The following MAP3K15 variants were observed in gnomAD, a reference collection of about 807,000 sequenced individuals.
MAP3K15 encodes the protein MAPK/ERK kinase kinase 15.
Under a neutral mutation model 99.5 loss-of-function variants are expected in MAP3K15, and 124 were observed. The ratio of observed to expected loss-of-function variants is 1.25; its 90% CI spans 1.08 to 1.45. MAP3K15 has a LOEUF of 1.45. Among genes scored for constraint, MAP3K15 ranks in the 40% most tolerant of loss-of-function variants. The pLI is 0.00. For missense variants in MAP3K15, 1,242 were observed against 1,079.7 expected (o/e 1.15, Z -2.11); for synonymous variants, 494 against 439.6 (o/e 1.12, Z -1.55).
rs191262242 is a variant in MAP3K15, at chrX:19,395,543, C to T, written c.2067-335G>A. Among the ~76,000 whole-genome samples, 288 of 109,634 alleles carry T rather than the reference C, an allele frequency of 2.6e-3. 3 individuals are homozygous for T. Among genetic ancestry groups the T allele is most frequent in the African/African-American group, 9.6e-3 (277 of 28,767 alleles). On this transcript the variant is annotated intron_variant, in intron 15 of 28. Coordinates refer to ENST00000338883, the MANE Select transcript of MAP3K15 (RefSeq NM_001001671.4). ...ACCATTCTTTACCTCTCTCAACAGCCCCTCTTCCTCTGCCTCCCATGAAGA... is the reference window on the plus strand; with the variant it reads ...ACCATTCTTTACCTCTCTCAACAGCTCCTCTTCCTCTGCCTCCCATGAAGA...
intron 4 of MAP3K15, among the ~76,000 whole-genome samples, chrX:19,461,402 T>C (rs951277812): frequency 8.0e-5 from 9 of 112,074 alleles, no homozygotes; most frequent in African/African-American, 2.3e-4. Flanking sequence ...GACCCAAGAA[T>C]AGTTTTCTAA....
intron 9 of MAP3K15, among the ~76,000 whole-genome samples, chrX:19,416,193 C>A (rs780210989): frequency 5.4e-5 from 6 of 111,034 alleles, no homozygotes; most frequent in Non-Finnish European, 1.1e-4. Context: ...TAGCAGGATG[C>A]GGTGGCAGGC....
intron 9 of MAP3K15, among the ~76,000 whole-genome samples, chrX:19,420,058 A>G (rs1310827131): frequency 1.8e-5 from 2 of 112,146 alleles, no homozygotes; most frequent in African/African-American, 6.5e-5. Flanking sequence ...AGGGAAATTT[A>G]TAGCACTAAA....
intron 20 of MAP3K15, 40 bp downstream of exon 20, chrX:19,374,437 G>T: frequency 8.6e-7 from 1 of 1,166,199 alleles, no homozygotes. Context: ...CAGCATTCTT[G>T]TGGCCAGGGT....
intron 1 of MAP3K15, among the ~76,000 whole-genome samples, chrX:19,509,190 A>T (rs1297058854): frequency 9.0e-6 from 1 of 111,648 alleles, no homozygotes; most frequent in Non-Finnish European, 1.9e-5. Flanking sequence ...GGACACAGGA[A>T]GTGCTTAAAT....
At chrX:19,413,788 T>G (rs1399238768) in intron 10 of MAP3K15, among the ~76,000 whole-genome samples, 92 of 63,271 alleles carry the variant, frequency 1.5e-3, no homozygotes, top group Admixed American at 2.5e-3. Flanking sequence ...GAGAAGAGGG[T>G]GAGGAGGAGG....
chrX:19,360,705 A>G lies in MAP3K15; in HGVS notation c.*44T>C, dbSNP rs1434339863. On this transcript the variant is annotated 3_prime_UTR_variant, in exon 29 of 29. Coordinates refer to ENST00000338883, the MANE Select transcript of MAP3K15 (RefSeq NM_001001671.4). ...ACACTAACAGAAGCTTTAACAAAACATGTAGCGTGGTGGGACACTCTGCCA... is the reference window on the plus strand; with the variant it reads ...ACACTAACAGAAGCTTTAACAAAACGTGTAGCGTGGTGGGACACTCTGCCA... 1.6e-5 allele frequency: 16 copies of G among 1,019,869 alleles called. No individual in the cohort carries two copies. Among genetic ancestry groups the G allele is most frequent in the Non-Finnish European group, 2.2e-5 (16 of 726,514 alleles). 84.0% of individuals were successfully genotyped at this position (1,019,869 alleles called of 1,213,427 possible).
intron 6 of MAP3K15, among the ~76,000 whole-genome samples, chrX:19,456,201 C>T (rs908160512): frequency 8.1e-5 from 9 of 111,777 alleles, no homozygotes; most frequent in Non-Finnish European, 1.3e-4. Flanking sequence ...TCCATAGCAG[C>T]GCTGTTCTCA....
chrX:19,423,572 G>T (rs1318233668), intron 9 of MAP3K15, among the ~76,000 whole-genome samples: 1 of 111,775 alleles, frequency 8.9e-6, no homozygotes, highest in Admixed American at 9.5e-5. Flanking sequence ...GCTCTTTAAG[G>T]ATAAAAGCTG....
intron 6 of MAP3K15, among the ~76,000 whole-genome samples, chrX:19,451,977 T>C (rs907032505): frequency 9.4e-6 from 1 of 106,022 alleles, no homozygotes; most frequent in Non-Finnish European, 1.9e-5. Context: ...GAGAATCACT[T>C]GAACCTGGGA....
intron 1 of MAP3K15, among the ~76,000 whole-genome samples, chrX:19,501,514 C>T (rs2064440316): frequency 9.0e-6 from 1 of 111,609 alleles, no homozygotes; most frequent in African/African-American, 3.3e-5. Flanking sequence ...ATCGTAAGTG[C>T]ACTCTATCTA....
In MAP3K15 at chrX:19,372,835, C is replaced by G; in HGVS notation, c.2934-8G>C. On this transcript the variant is annotated splice_polypyrimidine_tract_variant and splice_region_variant and intron_variant, in intron 21 of 28. Coordinates refer to ENST00000338883, the MANE Select transcript of MAP3K15 (RefSeq NM_001001671.4). ...GAGCTCTCGTCTGGAACACTGTGGA[C>G]AAACACGTGTGACAATCTCTGTGCG... 1.7e-6 allele frequency: 2 copies of G among 1,201,857 alleles called. No individual in the cohort carries two copies. Among genetic ancestry groups the G allele is most frequent in the Non-Finnish European group, 2.2e-6 (2 of 889,386 alleles).
At chrX:19,459,641 G>C in intron 5 of MAP3K15, among the ~76,000 whole-genome samples, 1 of 112,215 alleles carries the variant, frequency 8.9e-6, no homozygotes, top group Non-Finnish European at 1.9e-5. Context: ...CCTGAGGTCA[G>C]GAGTTTAAGA....
chrX:19,377,729 T>A (rs1232286716), intron 19 of MAP3K15, among the ~76,000 whole-genome samples: 4 of 111,647 alleles, frequency 3.6e-5, no homozygotes, highest in Non-Finnish European at 5.7e-5. Context: ...CATGTTTTCC[T>A]CGTCACCAGC....
chrX:19,488,106 G>A (rs924360802), intron 2 of MAP3K15, among the ~76,000 whole-genome samples: 1 of 111,687 alleles, frequency 9.0e-6, no homozygotes, highest in African/African-American at 3.3e-5. Context: ...TTCCTAAAAT[G>A]ATTTAACATA....
At chrX:19,426,818 C>CAAAAAAAAAAAAAAAA (rs746106862) in intron 7 of MAP3K15, among the ~76,000 whole-genome samples, 7 of 21,139 alleles carry the variant, frequency 3.3e-4, no homozygotes, top group African/African-American at 1.0e-3. Flanking sequence ...AATCTGTCTC[C>CAAAAAAAAAAAAAAAA]AAAAAAAAAA....
intron 1 of MAP3K15, among the ~76,000 whole-genome samples, chrX:19,502,435 T>C (rs911607656): frequency 9.0e-6 from 1 of 111,500 alleles, no homozygotes; most frequent in Non-Finnish European, 1.9e-5. Flanking sequence ...CCTGCCACCA[T>C]GTAAGACGTG....
At chrX:19,456,841 T>C (rs1430518773) in intron 6 of MAP3K15, 72 bp downstream of exon 6, 4 of 788,098 alleles carry the variant, frequency 5.1e-6, no homozygotes, top group Non-Finnish European at 5.5e-6. Context: ...ATACCCGATG[T>C]TGAATGAAAG....
intron 6 of MAP3K15, among the ~76,000 whole-genome samples, chrX:19,453,111 C>T (rs1241792007): frequency 9.0e-6 from 1 of 111,265 alleles, no homozygotes; most frequent in Non-Finnish European, 1.9e-5. Context: ...TCTAGAGCCC[C>T]GTTTCACCAT....
Sources: gnomAD v4.1 joint callset for allele counts (sites outside exome capture counted in the v4.1 genomes callset) on GRCh38, gnomAD v4.1.1 for gene constraint, MANE v1.5 for transcripts, NCBI Gene and HGNC (gene_info 2026-07-23, HGNC 2026-07-21) for gene names.